The following NF1 variants were observed in gnomAD, a reference collection of about 807,000 sequenced individuals.
NF1 encodes the protein neurofibromin.
NF1 carries 122 observed loss-of-function variants against 325.7 expected under a neutral mutation model. That is an observed-to-expected ratio of 0.37 (90% CI 0.32 to 0.44). The LOEUF (loss-of-function observed/expected upper bound fraction) is 0.44, where lower values mean the gene tolerates loss of function less well. Among genes scored for constraint, NF1 ranks in the 20% least tolerant of loss-of-function variants. The probability of loss-of-function intolerance (pLI) is 1.00; values close to 1 mark genes in which losing one functional copy is unlikely to be tolerated. For missense variants in NF1, 2,140 were observed against 3,415.4 expected (o/e 0.63, Z 9.31); for synonymous variants, 1,091 against 1,186.0 (o/e 0.92, Z 1.65).
At chr17:31,249,836 C>A in intron 30 of NF1, 1 of 402,808 alleles carries the variant, frequency 2.5e-6, no homozygotes, top group Non-Finnish European at 5.0e-6. Flanking sequence ...TGCATATTAG[C>A]CTTTTGGAAA....
At chr17:31,154,676 C>T (rs1336786753) in intron 1 of NF1, among the ~76,000 whole-genome samples, 1 of 151,444 alleles carries the variant, frequency 6.6e-6, no homozygotes, top group Non-Finnish European at 1.5e-5. Context: ...CTGTTCTGCC[C>T]CCTCCTTTAC....
chr17:31,173,257 A>G (rs1458951469), intron 5 of NF1, among the ~76,000 whole-genome samples: 2 of 152,120 alleles, frequency 1.3e-5, no homozygotes, highest in East Asian at 1.9e-4. Context: ...AGAAATACAA[A>G]AAATTAGCCA....
chr17:31,265,501 A>G (rs1486063587), intron 36 of NF1, among the ~76,000 whole-genome samples, 162 bp downstream of exon 36: 2 of 151,720 alleles, frequency 1.3e-5, no homozygotes, highest in African/African-American at 2.4e-5. Flanking sequence ...TCCTAAAATG[A>G]TGGTCGGTAT....
At chr17:31,337,644 T>A (rs2151556911) in intron 43 of NF1, 62 bp downstream of exon 43, 1 of 1,485,954 alleles carries the variant, frequency 6.7e-7, no homozygotes, top group Non-Finnish European at 9.3e-7. Flanking sequence ...ATGTTAATAC[T>A]ATATAGAAGA....
chr17:31,211,037 T>A (rs1397525526), intron 12 of NF1, among the ~76,000 whole-genome samples: 1 of 152,228 alleles, frequency 6.6e-6, no homozygotes, highest in African/African-American at 2.4e-5. Flanking sequence ...TTTTTTATCT[T>A]AAGTGGCATG....
In NF1 at chr17:31,300,796, G is replaced by A. The variant is rs1192458842; in HGVS notation, c.4836-25024G>A. On this transcript the variant is annotated intron_variant, in intron 36 of 57. Transcript: ENST00000358273. ...GTATCATGGTGTCGAGTTCTATACA[G>A]CCTCACTGTATACTTTGTTGTTGAA... 2.0e-5 allele frequency among the ~76,000 whole-genome samples: 3 copies of A among 152,192 alleles called. No homozygotes were observed. The East Asian group carries it at 5.8e-4, about 29-fold the overall frequency.
chr17:31,322,600 A>T (rs1291117921), intron 36 of NF1, among the ~76,000 whole-genome samples: 1 of 148,770 alleles, frequency 6.7e-6, no homozygotes, highest in Admixed American at 6.8e-5. Flanking sequence ...TAGGAGGATC[A>T]CTGGTGGAGC....
intron 16 of NF1, 109 bp from the exon 17 acceptor site, chr17:31,224,982 TTGAG>T: frequency 9.2e-7 from 1 of 1,084,320 alleles, no homozygotes; most frequent in Non-Finnish European, 1.4e-6. Flanking sequence ...GGCATAGAGA[TTGAG>T]AGGAGAGGTT....
At chr17:31,108,093 A>G (rs894656502) in intron 1 of NF1, among the ~76,000 whole-genome samples, 1 of 151,600 alleles carries the variant, frequency 6.6e-6, no homozygotes, top group Non-Finnish European at 1.5e-5. Context: ...TGTTTGTGCT[A>G]CTACACTCCA....
At position 31,324,104 on chromosome 17, in the gene NF1, A is replaced by G. The variant is rs144014178; in HGVS notation, c.4836-1716A>G. Among the ~76,000 whole-genome samples the G allele has an allele frequency of 8.5e-5, 13 of 152,140 alleles. No homozygotes were observed. The East Asian group carries it at 2.1e-3, about 25-fold the overall frequency. ...TTTGTTTTTGTTGGAATCTCGCTCT[A>G]TCGCCCAGGCTGGAGTGCAGTGGCA... is the stretch of plus-strand genomic sequence containing the variant. On this transcript the variant is annotated intron_variant, in intron 36 of 57. Transcript: ENST00000358273.
chr17:31,249,674 C>T lies in NF1; in HGVS notation c.4110+555C>T, dbSNP rs1210866503. 5.3e-5 allele frequency among the ~76,000 whole-genome samples: 8 copies of T among 152,340 alleles called. No individual in the cohort carries two copies. In the South Asian group the frequency reaches 1.7e-3, roughly 32 times the overall value. ...ATTATTAGACCTTCTAACACTAGCA[C>T]TGCAAGTAATGCGTCTGAACTCAGA... On this transcript the variant is annotated intron_variant, in intron 30 of 57. Transcript: ENST00000358273.
chr17:31,284,340 T>C (rs902801011), intron 36 of NF1, among the ~76,000 whole-genome samples: 3 of 152,110 alleles, frequency 2.0e-5, no homozygotes, highest in Non-Finnish European at 4.4e-5. Flanking sequence ...TGGAGTGCAA[T>C]GGTGAGATCT....
intron 27 of NF1, among the ~76,000 whole-genome samples, chr17:31,234,892 C>A (rs776938990): frequency 2.6e-5 from 4 of 151,786 alleles, no homozygotes; most frequent in Non-Finnish European, 5.9e-5. Context: ...TTATGGCTAC[C>A]CCTATTATCT....
chr17:31,249,323 A>T (rs1368989222), intron 30 of NF1, among the ~76,000 whole-genome samples: 3 of 152,242 alleles, frequency 2.0e-5, no homozygotes, highest in African/African-American at 7.2e-5. Context: ...GTAAGAGAAT[A>T]CTTTAAAATA....
At chr17:31,115,183 G>T (rs941344669) in intron 1 of NF1, among the ~76,000 whole-genome samples, 5 of 152,096 alleles carry the variant, frequency 3.3e-5, no homozygotes, top group African/African-American at 9.7e-5. Flanking sequence ...TATGACTTTC[G>T]TGGGGGTGGG....
At chr17:31,196,266 T>A (rs1202067263) in intron 8 of NF1, among the ~76,000 whole-genome samples, 1 of 152,076 alleles carries the variant, frequency 6.6e-6, no homozygotes, top group Non-Finnish European at 1.5e-5. Context: ...CATTTAAATT[T>A]TTCTGTTTCA....
chr17:31,177,635 G>T (rs771352162), intron 5 of NF1, among the ~76,000 whole-genome samples: 1 of 151,936 alleles, frequency 6.6e-6, no homozygotes. Flanking sequence ...AAGGTTAGAC[G>T]AATTGCTGAC....
intron 36 of NF1, among the ~76,000 whole-genome samples, chr17:31,311,980 C>T (rs189653280): frequency 5.3e-5 from 8 of 151,988 alleles, no homozygotes; most frequent in Admixed American, 6.6e-5. Flanking sequence ...CCTGATTCTA[C>T]GAAAACTATT....
chr17:31,237,172 C>A (rs1290286962), intron 29 of NF1, among the ~76,000 whole-genome samples: 1 of 152,170 alleles, frequency 6.6e-6, no homozygotes, highest in Non-Finnish European at 1.5e-5. Context: ...ATTTTTGGCT[C>A]TGCATTTGCT....
Sources: allele counts gnomAD v4.1 joint callset (sites outside exome capture counted in the v4.1 genomes callset), GRCh38; gene constraint gnomAD v4.1.1; transcripts MANE v1.5; gene names NCBI Gene and HGNC (gene_info 2026-07-23, HGNC 2026-07-21).